Variants in ZNF529 observed in about 807,000 individuals in gnomAD.
The protein encoded by ZNF529 is zinc finger protein 529.
Under a neutral mutation model 10.1 loss-of-function variants are expected in ZNF529, and 11 were observed. The ratio of observed to expected loss-of-function variants is 1.09; its 90% CI spans 0.69 to 1.81. ZNF529 has a LOEUF of 1.81. Ranked by LOEUF, ZNF529 falls within the 40% of genes most tolerant of loss-of-function variation. The pLI, the probability that ZNF529 is intolerant of heterozygous loss-of-function variation, is 0.00. For missense variants in ZNF529, 624 were observed against 666.8 expected, an observed-to-expected ratio of 0.94 and a Z score of 0.71; for synonymous variants, 204 against 215.7, an observed-to-expected ratio of 0.95 and a Z score of 0.47.
upstream of ZNF529, chr19:36,578,058 G>GT (rs1313022268): frequency 4.5e-5 from 5 of 110,470 alleles, no homozygotes; most frequent in Non-Finnish European, 7.3e-5. Flanking sequence ...GTGTGGGGGA[G>GT]ATTTTTTTTT....
intron 1 of ZNF529, among the ~76,000 whole-genome samples, chr19:36,592,409 C>T (rs1423501079): frequency 2.0e-5 from 3 of 150,270 alleles, no homozygotes; most frequent in Non-Finnish European, 3.0e-5. Context: ...CCCTGGGCAA[C>T]ATGGTCAAAC....
Position 36,552,714 on chromosome 19 carries a change from A to G in ZNF529, c.235+1956T>C, listed in dbSNP as rs73929005. Among the ~76,000 whole-genome samples, 1,518 of 152,274 alleles carry G rather than the reference A, an allele frequency of 1.0e-2. 18 individuals carry two copies. The highest frequency in any genetic ancestry group is 0.034 in the African/African-American group (1,397 of 41,534). On this transcript the variant is annotated intron_variant, in intron 4 of 4. Transcript: ENST00000591340. ...CTGCTTACAACAAAGAAATGTAACA[A>G]TGTTTTTTTTATTATAGCCAATTTT...
At chr19:36,586,273 G>A (rs1239297532) in intron 2 of ZNF529, among the ~76,000 whole-genome samples, 1 of 152,100 alleles carries the variant, frequency 6.6e-6, no homozygotes, top group Non-Finnish European at 1.5e-5. Context: ...TCTCCCTATG[G>A]AGCTACAGGG....
Position 36,551,741 on chromosome 19 carries a change from G to A in ZNF529, c.235+2929C>T, listed in dbSNP as rs548804759. 3 of 152,252 alleles carry A rather than the reference G, an allele frequency of 2.0e-5. No homozygotes were observed. In the South Asian group the frequency reaches 6.2e-4, roughly 32 times the overall value. The allele number at this position is 152,252 out of a possible 1,614,324, so 9.4% of individuals were successfully genotyped here. A position where few individuals can be genotyped will look rare whatever the true frequency, so the allele number is the denominator to read the frequency against. On this transcript the variant is annotated intron_variant, in intron 4 of 4. Coordinates refer to ENST00000591340, the MANE Select transcript of ZNF529 (RefSeq NM_020951.5). ...AGGTGAACCACTGAAAAGGAACTGTGTATCTATAAAATGCCAAATTAAGAC... is the reference window on the plus strand; with the variant it reads ...AGGTGAACCACTGAAAAGGAACTGTATATCTATAAAATGCCAAATTAAGAC...
intron 1 of ZNF529, among the ~76,000 whole-genome samples, chr19:36,595,994 A>AATG (rs2036831607): frequency 6.6e-6 from 1 of 151,176 alleles, no homozygotes; most frequent in Admixed American, 6.6e-5. Flanking sequence ...TAAAATCTCC[A>AATG]ATGATGACTG....
chr19:36,575,037 T>C (rs1278061240), upstream of ZNF529: 4 of 414,666 alleles, frequency 9.6e-6, no homozygotes, highest in Admixed American at 8.0e-5. Flanking sequence ...AATTATAAGA[T>C]GGGCTCAACA....
At chr19:36,590,708 TC>T (rs1209702454) in intron 1 of ZNF529, among the ~76,000 whole-genome samples, 1 of 152,098 alleles carries the variant, frequency 6.6e-6, no homozygotes, top group Non-Finnish European at 1.5e-5. Flanking sequence ...GGCGGGCAGA[TC>T]ACCTAAAGTC....
At chr19:36,576,447 G>A (rs1326871552), upstream of ZNF529, among the ~76,000 whole-genome samples, 7 of 152,056 alleles carry the variant, frequency 4.6e-5, no homozygotes, top group South Asian at 2.1e-4. Context: ...GGCCGGGCGC[G>A]GTGGCTCACG....
intron 1 of ZNF529, among the ~76,000 whole-genome samples, chr19:36,597,199 G>A (rs949393883): frequency 6.6e-6 from 1 of 152,056 alleles, no homozygotes; most frequent in African/African-American, 2.4e-5. Context: ...GTTTAGTCCA[G>A]TTTCATTAAA....
At position 36,570,510 on chromosome 19, in the gene ZNF529, T is replaced by C. The variant is rs192849443; in HGVS notation, c.14+1823A>G. On this transcript the variant is annotated intron_variant, in intron 2 of 4. Transcript: ENST00000591340. ...CATTGTTGCTGGGAGAATTAGGTGCTGCCTGTGCAACTGCACTGGAAGCTT... is the reference window on the plus strand; with the variant it reads ...CATTGTTGCTGGGAGAATTAGGTGCCGCCTGTGCAACTGCACTGGAAGCTT... Among the ~76,000 whole-genome samples the C allele has an allele frequency of 3.9e-3, 595 of 152,342 alleles. 1 individual carries two copies. Among genetic ancestry groups the C allele is most frequent in the Non-Finnish European group, 6.4e-3 (438 of 68,024 alleles).
At chr19:36,565,211 AC>A (rs2035851343) in intron 2 of ZNF529, among the ~76,000 whole-genome samples, 1 of 152,152 alleles carries the variant, frequency 6.6e-6, no homozygotes, top group African/African-American at 2.4e-5. Context: ...ATGTTAACCA[AC>A]CTGCAAATGT....
chr19:36,556,385 C>G (rs912529047), intron 2 of ZNF529, among the ~76,000 whole-genome samples, 188 bp from the exon 3 acceptor site: 4 of 152,186 alleles, frequency 2.6e-5, no homozygotes, highest in African/African-American at 9.7e-5. Context: ...GTGAGAAAGA[C>G]TCCACTCCAG....
In ZNF529 at chr19:36,556,171, G is replaced by A. The variant is rs1041784200; in HGVS notation, c.41C>T (p.Ala14Val). The change falls in exon 3 of 5, where the codon GCT (alanine) becomes GTT (valine). Residue 14 changes from alanine to valine, a missense_variant. Ala to Val is a moderately conservative substitution (Grantham distance 64, BLOSUM62 0). Coordinates refer to ENST00000591340, the MANE Select transcript of ZNF529 (RefSeq NM_020951.5). The part of the protein sequence containing the change: ...SSFIGDHVHG[A>V]PHAVMPEVEF... Reference sequence around the variant, plus strand: ...CACTTCTGGCATGACAGCATGAGGAGCTCCATGGACATGATCCCCAATGAA... The same window carrying A: ...CACTTCTGGCATGACAGCATGAGGAACTCCATGGACATGATCCCCAATGAA... 4.7e-5 allele frequency: 63 copies of A among 1,333,778 alleles called. 2 individuals are homozygous for A. The Middle Eastern group carries it at 1.4e-3, about 30-fold the overall frequency. The allele number at this position is 1,333,778 out of a possible 1,614,324, so 82.6% of individuals were successfully genotyped here. A position where few individuals can be genotyped will look rare whatever the true frequency, so the allele number is the denominator to read the frequency against.
Position 36,556,169 on chromosome 19 carries a change from G to C in ZNF529, c.43C>G (p.Pro15Ala). Residue 15 changes from proline (P) to alanine (A), a missense_variant, in exon 3 of 5, where the codon CCT (proline) becomes GCT (alanine). By Grantham distance (27) the Pro-to-Ala change is conservative (BLOSUM62 -1). Transcript: ENST00000591340. ...SFIGDHVHGA[P>A]HAVMPEVEFP... is the part of the protein sequence containing the mutation. ...TCCACTTCTGGCATGACAGCATGAG[G>C]AGCTCCATGGACATGATCCCCAATG... 7.5e-7 allele frequency: 1 copy of C among 1,339,380 alleles called. No homozygotes were observed. The highest frequency in any genetic ancestry group is 1.0e-6 in the Non-Finnish European group (1 of 953,326). The allele number at this position is 1,339,380 out of a possible 1,614,324, so 83.0% of individuals were successfully genotyped here. A position where few individuals can be genotyped will look rare whatever the true frequency, so the allele number is the denominator to read the frequency against.
rs138324175 is a variant in ZNF529, at chr19:36,572,376, G to T, written c.-30C>A. On this transcript the variant is annotated 5_prime_UTR_variant, in exon 2 of 5. Transcript: ENST00000591340. Reference sequence around the variant, plus strand: ...ACCAATGCTGTCTTCCACTTCAGGGGGCCTTCACTTGCAGAACTACATAAC... The same window carrying T: ...ACCAATGCTGTCTTCCACTTCAGGGTGCCTTCACTTGCAGAACTACATAAC... 36 of 1,550,784 alleles carry T rather than the reference G, an allele frequency of 2.3e-5. No homozygotes were observed. In the African/African-American group the frequency reaches 3.7e-4, roughly 16 times the overall value.
intron 1 of ZNF529, among the ~76,000 whole-genome samples, chr19:36,599,891 A>G (rs1299297111): frequency 1.3e-5 from 2 of 151,588 alleles, no homozygotes; most frequent in Non-Finnish European, 2.9e-5. Flanking sequence ...TTTTTTGAGA[A>G]GGAGTCTCAC....
In ZNF529 at chr19:36,573,130, T is replaced by C. The variant is rs3745779; in HGVS notation, c.-47+10A>G. On this transcript the variant is annotated intron_variant, in intron 1 of 4. Coordinates refer to ENST00000591340, the MANE Select transcript of ZNF529 (RefSeq NM_020951.5). ...CACACCACAATGACGTCGTAAACAA[T>C]AGCACTAACCACCATCGTCCGCAGC... 54,660 of 277,334 alleles carry C rather than the reference T, an allele frequency of 0.2. 5,666 individuals carry two copies. Among genetic ancestry groups the C allele is most frequent in the Non-Finnish European group, 0.22 (29,875 of 133,932 alleles). The allele number at this position is 277,334 out of a possible 1,614,324, so 17.2% of individuals were successfully genotyped here.
chr19:36,587,448 C>T (rs1350420352), intron 2 of ZNF529: 1 of 152,148 alleles, frequency 6.6e-6, no homozygotes, highest in Non-Finnish European at 1.5e-5. Context: ...GAAAATCAAT[C>T]TGGCAGTTCC....
upstream of ZNF529, chr19:36,577,224 T>C (rs1275438369): frequency 2.2e-6 from 1 of 452,594 alleles, no homozygotes; most frequent in Admixed American, 2.4e-5. Context: ...CCTCCCAAAG[T>C]GCTAGGATTA....
Sources: allele counts gnomAD v4.1 joint callset (sites outside exome capture counted in the v4.1 genomes callset), GRCh38; gene constraint gnomAD v4.1.1; transcripts MANE v1.5; gene names NCBI Gene and HGNC (gene_info 2026-07-23, HGNC 2026-07-21).